Variants in SORCS1 observed in about 807,000 individuals in gnomAD.
The protein encoded by SORCS1 is sortilin related VPS10 domain containing receptor 1.
SORCS1 carries 60 observed loss-of-function variants against 146.1 expected under a neutral mutation model. The observed-to-expected ratio is 0.41, with a 90% confidence interval of 0.33 to 0.51. The LOEUF (loss-of-function observed/expected upper bound fraction) is 0.51, where lower values mean the gene tolerates loss of function less well. Ranked by LOEUF, SORCS1 falls within the 20% of genes least tolerant of loss-of-function variation. The pLI is 0.21. For missense variants in SORCS1, 1,352 were observed against 1,487.6 expected (o/e 0.91, Z 1.50); for synonymous variants, 637 against 584.0 (o/e 1.09, Z -1.31).
chr10:106,946,011 T>A (rs973093969), intron 2 of SORCS1, among the ~76,000 whole-genome samples: 1 of 152,186 alleles, frequency 6.6e-6, no homozygotes, highest in Admixed American at 6.5e-5. Flanking sequence ...CTGCCTTGAA[T>A]CTCTGGGCTT....
intron 1 of SORCS1, among the ~76,000 whole-genome samples, chr10:107,156,098 A>T (rs561266541): frequency 6.6e-6 from 1 of 152,302 alleles, no homozygotes; most frequent in East Asian, 1.9e-4. Flanking sequence ...CAATGGGGTG[A>T]AGTGAAAGGA....
At chr10:107,078,164 G>A (rs1337966686) in intron 1 of SORCS1, among the ~76,000 whole-genome samples, 1 of 152,056 alleles carries the variant, frequency 6.6e-6, no homozygotes, top group African/African-American at 2.4e-5. Flanking sequence ...TTGGGACAGT[G>A]GGTCTATTTT....
intron 5 of SORCS1, among the ~76,000 whole-genome samples, chr10:106,734,940 G>GT (rs1333549129): frequency 6.6e-6 from 1 of 152,126 alleles, no homozygotes; most frequent in African/African-American, 2.4e-5. Context: ...GAGGTCAGGA[G>GT]TTTGAGACCA....
intron 2 of SORCS1, among the ~76,000 whole-genome samples, chr10:106,848,090 G>T (rs1253527612): frequency 3.1e-5 from 3 of 96,838 alleles, no homozygotes; most frequent in African/African-American, 1.2e-4. Flanking sequence ...TTCTGTAGAT[G>T]TCTATTAGGT....
At chr10:106,580,918 C>A (rs891723676) in intron 24 of SORCS1, among the ~76,000 whole-genome samples, 5 of 152,240 alleles carry the variant, frequency 3.3e-5, no homozygotes, top group South Asian at 4.2e-4. Flanking sequence ...AAGGAACCCC[C>A]CCGCTATTTT....
At chr10:107,173,121 C>T in the SORCS1 span, among the ~76,000 whole-genome samples, 368 of 152,238 alleles carry the variant, frequency 2.4e-3, 2 homozygotes, top group Non-Finnish European at 3.7e-3. Flanking sequence ...TGCATCCACT[C>T]TGACAAAAGT....
chr10:106,869,593 A>AT (rs1950334911), intron 2 of SORCS1, among the ~76,000 whole-genome samples: 1 of 152,212 alleles, frequency 6.6e-6, no homozygotes, highest in African/African-American at 2.4e-5. Flanking sequence ...GACAAAAACC[A>AT]CAGGATTATC....
At chr10:106,588,018 A>G (rs1845350060) in intron 24 of SORCS1, among the ~76,000 whole-genome samples, 1 of 152,250 alleles carries the variant, frequency 6.6e-6, no homozygotes, top group Non-Finnish European at 1.5e-5. Flanking sequence ...GTACAGACAT[A>G]TAGTGAAATG....
At chr10:107,150,986 A>G (rs1968746891) in intron 1 of SORCS1, among the ~76,000 whole-genome samples, 1 of 152,184 alleles carries the variant, frequency 6.6e-6, no homozygotes, top group African/African-American at 2.4e-5. Flanking sequence ...ACAGTAAATT[A>G]GTACTGAGTA....
intron 1 of SORCS1, among the ~76,000 whole-genome samples, chr10:106,958,112 G>A (rs1198347959): frequency 1.3e-5 from 2 of 152,216 alleles, no homozygotes; most frequent in Non-Finnish European, 2.9e-5. Context: ...AAATACATGA[G>A]CCCAAGCACA....
At chr10:106,607,445 G>A in intron 22 of SORCS1, 148 bp from the exon 23 acceptor site, 1 of 1,078,298 alleles carries the variant, frequency 9.3e-7, no homozygotes, top group Non-Finnish European at 1.3e-6. Flanking sequence ...CAGGGAGTAT[G>A]TGAGAGACAG....
intron 3 of SORCS1, among the ~76,000 whole-genome samples, chr10:106,789,880 TG>T (rs1446169182): frequency 6.6e-6 from 1 of 152,228 alleles, no homozygotes; most frequent in African/African-American, 2.4e-5. Flanking sequence ...CAGTTCTGCG[TG>T]GCTGGGGAGG....
intron 2 of SORCS1, among the ~76,000 whole-genome samples, chr10:106,954,445 C>T (rs1954839154): frequency 6.6e-6 from 1 of 152,122 alleles, no homozygotes; most frequent in African/African-American, 2.4e-5. Context: ...TTATTAAGTC[C>T]CCTACCAAAC....
intron 24 of SORCS1, among the ~76,000 whole-genome samples, chr10:106,583,871 T>C (rs2133220809): frequency 6.6e-6 from 1 of 152,264 alleles, no homozygotes; most frequent in Admixed American, 6.5e-5. Flanking sequence ...AATAACATGG[T>C]AGCATCACCC....
chr10:106,898,144 G>A (rs1951557563), intron 2 of SORCS1, among the ~76,000 whole-genome samples: 2 of 152,226 alleles, frequency 1.3e-5, no homozygotes. Flanking sequence ...TTAGGGCAAT[G>A]TGAAATCCCC....
chr10:106,785,831 G>A (rs1258560646), intron 3 of SORCS1, among the ~76,000 whole-genome samples: 1 of 152,148 alleles, frequency 6.6e-6, no homozygotes, highest in Non-Finnish European at 1.5e-5. Context: ...TCATCCAGGA[G>A]GAAGCCTCTC....
At chr10:107,048,312 T>C (rs1253567698) in intron 1 of SORCS1, among the ~76,000 whole-genome samples, 1 of 152,220 alleles carries the variant, frequency 6.6e-6, no homozygotes, top group African/African-American at 2.4e-5. Context: ...CAGTAATGCC[T>C]GACAAGGTCT....
rs769070573 is a variant in SORCS1 at position 106,597,466 on chromosome 10, T to C, written c.3166-16A>G. 36 of 1,600,818 alleles carry C rather than the reference T, an allele frequency of 2.2e-5. No homozygotes were observed. Among genetic ancestry groups the C allele is most frequent in the Admixed American group, 5.0e-5 (3 of 59,940 alleles). ...ATTCTGATATCTGAAAAAAGAAGCATAGTTAGTGACACCAAAAGTGTCATA... is the reference window on the plus strand; with the variant it reads ...ATTCTGATATCTGAAAAAAGAAGCACAGTTAGTGACACCAAAAGTGTCATA... On this transcript the variant is annotated splice_polypyrimidine_tract_variant and intron_variant, in intron 23 of 25. Coordinates refer to ENST00000263054, the MANE Select transcript of SORCS1 (RefSeq NM_052918.5).
At chr10:106,656,855 T>C (rs1214144745) in intron 17 of SORCS1, among the ~76,000 whole-genome samples, 5 of 152,188 alleles carry the variant, frequency 3.3e-5, no homozygotes, top group Admixed American at 2.6e-4. Flanking sequence ...TTGAGAATTA[T>C]GGGGATCAGT....
Sources: allele counts gnomAD v4.1 joint callset (sites outside exome capture counted in the v4.1 genomes callset), GRCh38; gene constraint gnomAD v4.1.1; transcripts MANE v1.5; gene names NCBI Gene and HGNC (gene_info 2026-07-23, HGNC 2026-07-21).